Variants in ARB2A observed in about 807,000 individuals in gnomAD.
ARB2A encodes the protein cotranscriptional regulator ARB2A.
the ARB2A span, among the ~76,000 whole-genome samples, chr5:93,722,565 A>T: frequency 5.6e-3 from 850 of 152,240 alleles, 6 homozygotes; most frequent in African/African-American, 0.02. Context: ...TCTAGGTAGA[A>T]ACTAACTACA....
chr5:94,097,311 T>C, the ARB2A span, among the ~76,000 whole-genome samples: 1 of 152,250 alleles, frequency 6.6e-6, no homozygotes, highest in South Asian at 2.1e-4. Flanking sequence ...ACAAGGGCAC[T>C]TTCCAATGGC....
At chr5:93,937,328 C>T in the ARB2A span, among the ~76,000 whole-genome samples, 17 of 150,910 alleles carry the variant, frequency 1.1e-4, no homozygotes, top group African/African-American at 4.1e-4. Flanking sequence ...GCAGGCTGGC[C>T]GCGGTGGTTC....
At chr5:93,837,872 A>C in the ARB2A span, among the ~76,000 whole-genome samples, 28 of 152,190 alleles carry the variant, frequency 1.8e-4, no homozygotes, top group African/African-American at 6.5e-4. Flanking sequence ...TTTGCTTATA[A>C]ATTTGTTTAA....
chr5:94,082,947 A>G, the ARB2A span, among the ~76,000 whole-genome samples: 1 of 152,216 alleles, frequency 6.6e-6, no homozygotes, highest in African/African-American at 2.4e-5. Context: ...CTTTATCCAG[A>G]AAACAAAACA....
the ARB2A span, among the ~76,000 whole-genome samples, chr5:93,921,580 C>T: frequency 1.3e-5 from 2 of 151,586 alleles, no homozygotes; most frequent in Admixed American, 1.3e-4. Context: ...ACAAAAGTGC[C>T]CAATTCTGGA....
chr5:93,808,501 CATCA>C, the ARB2A span, among the ~76,000 whole-genome samples: 1 of 151,500 alleles, frequency 6.6e-6, no homozygotes, highest in Non-Finnish European at 1.5e-5. Context: ...AAATTATGGT[CATCA>C]TTCATTAAAA....
the ARB2A span, among the ~76,000 whole-genome samples, chr5:94,079,534 T>C: frequency 6.6e-6 from 1 of 152,178 alleles, no homozygotes; most frequent in Non-Finnish European, 1.5e-5. Context: ...GTTTCTTCTA[T>C]TCTACCATGT....
chr5:93,638,003 A>G, the ARB2A span, among the ~76,000 whole-genome samples: 27 of 152,374 alleles, frequency 1.8e-4, no homozygotes, highest in African/African-American at 5.0e-4. Flanking sequence ...CAAGCCTCCA[A>G]TGAACTTCCC....
chr5:94,032,933 G>A, the ARB2A span, among the ~76,000 whole-genome samples: 1 of 152,158 alleles, frequency 6.6e-6, no homozygotes, highest in Non-Finnish European at 1.5e-5. Context: ...AAGTGTTGAG[G>A]TAGAGAACTG....
the ARB2A span, among the ~76,000 whole-genome samples, chr5:93,627,949 C>T: frequency 6.6e-6 from 1 of 151,222 alleles, no homozygotes; most frequent in African/African-American, 2.4e-5. Flanking sequence ...TAGGTCTCAA[C>T]AGTGGGCTTA....
At chr5:93,659,452 C>T in the ARB2A span, among the ~76,000 whole-genome samples, 1 of 152,088 alleles carries the variant, frequency 6.6e-6, no homozygotes, top group African/African-American at 2.4e-5. Context: ...TACCATAATA[C>T]AGTGTCTTCT....
chr5:93,952,604 T>C, the ARB2A span, among the ~76,000 whole-genome samples: 1 of 152,222 alleles, frequency 6.6e-6, no homozygotes, highest in Non-Finnish European at 1.5e-5. Flanking sequence ...CATTTCTTTA[T>C]CCTTGACCTT....
At chr5:93,661,053 G>C in the ARB2A span, among the ~76,000 whole-genome samples, 2 of 152,108 alleles carry the variant, frequency 1.3e-5, no homozygotes, top group Admixed American at 6.6e-5. Flanking sequence ...CAAATGTTTG[G>C]ACACTGATGA....
At chr5:93,780,083 G>C in the ARB2A span, among the ~76,000 whole-genome samples, 2 of 152,202 alleles carry the variant, frequency 1.3e-5, no homozygotes, top group Non-Finnish European at 2.9e-5. Flanking sequence ...TACCTTGGTT[G>C]AGGCTTGATT....
the ARB2A span, among the ~76,000 whole-genome samples, chr5:93,972,092 T>C: frequency 6.6e-6 from 1 of 152,288 alleles, no homozygotes; most frequent in African/African-American, 2.4e-5. Context: ...GAGCATGGCC[T>C]TAAAGAGACA....
At chr5:94,050,623 G>C in the ARB2A span, 1 of 757,668 alleles carries the variant, frequency 1.3e-6, no homozygotes, top group Non-Finnish European at 2.1e-6. Context: ...AAACCTTTTT[G>C]GAATCACATT....
At chr5:93,896,611 T>C in the ARB2A span, among the ~76,000 whole-genome samples, 1 of 152,066 alleles carries the variant, frequency 6.6e-6, no homozygotes, top group Non-Finnish European at 1.5e-5. Context: ...ACATGTTAGA[T>C]GAATGCTAAG....
At chr5:93,812,896 G>C in the ARB2A span, among the ~76,000 whole-genome samples, 1 of 152,162 alleles carries the variant, frequency 6.6e-6, no homozygotes, top group Non-Finnish European at 1.5e-5. Flanking sequence ...ACTAATCTTA[G>C]GAGGTAATTA....
the ARB2A span, among the ~76,000 whole-genome samples, chr5:93,674,257 G>A: frequency 9.2e-5 from 14 of 152,198 alleles, no homozygotes; most frequent in Non-Finnish European, 1.3e-4. Flanking sequence ...GTCGCCTCCA[G>A]TGTAGCTGTT....
Sources: allele counts gnomAD v4.1 joint callset (sites outside exome capture counted in the v4.1 genomes callset), GRCh38; gene constraint gnomAD v4.1.1; transcripts MANE v1.5; gene names NCBI Gene and HGNC (gene_info 2026-07-23, HGNC 2026-07-21).